Variants in SPPL3 observed in about 807,000 individuals in gnomAD.
The protein encoded by SPPL3 is signal peptide peptidase like 3.
SPPL3 carries 5 observed loss-of-function variants against 42.4 expected under a neutral mutation model. The ratio of observed to expected loss-of-function variants is 0.12; its 90% CI spans 0.06 to 0.25. SPPL3 has a LOEUF of 0.25. SPPL3 is among the 10% of genes least tolerant of loss of function. SPPL3 has a pLI of 1.00. For synonymous variants in SPPL3, 195 were observed against 181.8 expected (o/e 1.07, Z -0.58); for missense variants, 235 against 489.0 (o/e 0.48, Z 4.90).
At chr12:120,893,575 T>C (rs546513766) in intron 1 of SPPL3, among the ~76,000 whole-genome samples, 15 of 152,242 alleles carry the variant, frequency 9.9e-5, no homozygotes, top group South Asian at 6.2e-4. Context: ...CTACCCCTGA[T>C]TGGGCTTCCA....
intron 1 of SPPL3, among the ~76,000 whole-genome samples, chr12:120,900,420 G>C (rs971339617): frequency 5.3e-5 from 8 of 151,664 alleles, no homozygotes; most frequent in African/African-American, 1.9e-4. Flanking sequence ...ACCAGCACCG[G>C]CAACATGGCG....
chr12:120,852,168 A>T (rs1003070348), intron 1 of SPPL3, among the ~76,000 whole-genome samples: 2 of 152,044 alleles, frequency 1.3e-5, no homozygotes, highest in Non-Finnish European at 1.5e-5. Context: ...CTCTGACGAA[A>T]GTGTGCTCTC....
chr12:120,901,089 G>T (rs1873968458), intron 1 of SPPL3, among the ~76,000 whole-genome samples: 1 of 152,054 alleles, frequency 6.6e-6, no homozygotes, highest in South Asian at 2.1e-4. Context: ...TAAAATGATG[G>T]GAGAATTCAT....
At chr12:120,768,693 G>T in intron 7 of SPPL3, 1 of 667,754 alleles carries the variant, frequency 1.5e-6, no homozygotes, top group Non-Finnish European at 2.5e-6. Flanking sequence ...TCCCTGACGG[G>T]GTGGCCCCCA....
In SPPL3 at chr12:120,821,016, A is replaced by AT. The variant is rs1477937616; in HGVS notation, c.24-10131dup. On this transcript the variant is annotated intron_variant, in intron 1 of 10. Transcript: ENST00000353487. The stretch of plus-strand genomic sequence containing the variant: ...AATATACTATATGTTAATATTTTAT[A>AT]TTTTACCAAGACTAATACAATGAAA... Among the ~76,000 whole-genome samples the AT allele has an allele frequency of 3.3e-5, 5 of 152,314 alleles. No individual in the cohort carries two copies. The East Asian group carries it at 5.8e-4, about 18-fold the overall frequency.
At chr12:120,767,700 A>G (rs1005664046) in intron 8 of SPPL3, 107 bp from the exon 9 acceptor site, 18 of 1,075,276 alleles carry the variant, frequency 1.7e-5, no homozygotes, top group Middle Eastern at 2.5e-4. Flanking sequence ...GCTTATCTGC[A>G]TGGCAGATGG....
At chr12:120,804,865 A>C (rs886703414) in intron 2 of SPPL3, among the ~76,000 whole-genome samples, 1 of 152,234 alleles carries the variant, frequency 6.6e-6, no homozygotes, top group African/African-American at 2.4e-5. Flanking sequence ...TCAGCCAATG[A>C]ATGGAAAAAC....
chr12:120,779,555 A>T (rs535930741), intron 6 of SPPL3, among the ~76,000 whole-genome samples: 1 of 152,352 alleles, frequency 6.6e-6, no homozygotes, highest in South Asian at 2.1e-4. Flanking sequence ...TGGAACCACC[A>T]AAAGAAAGGA....
At chr12:120,788,990 T>C (rs1219687914) in intron 3 of SPPL3, among the ~76,000 whole-genome samples, 1 of 152,224 alleles carries the variant, frequency 6.6e-6, no homozygotes, top group Non-Finnish European at 1.5e-5. Flanking sequence ...CATAATCAAG[T>C]ACTGGTCGGC....
In SPPL3 at chr12:120,850,492, T is replaced by TAAAAAAAA. The variant is rs11413210; in HGVS notation, c.24-39614_24-39607dup. Among the ~76,000 whole-genome samples the TAAAAAAAA allele has an allele frequency of 1.7e-4, 20 of 119,406 alleles. 1 individual carries two copies. Among genetic ancestry groups the TAAAAAAAA allele is most frequent in the Non-Finnish European group, 2.3e-4 (13 of 57,722 alleles). The allele number at this position is 119,406 out of a possible 152,430, so 78.3% of individuals were successfully genotyped here. On this transcript the variant is annotated intron_variant, in intron 1 of 10. Coordinates refer to ENST00000353487, the MANE Select transcript of SPPL3 (RefSeq NM_139015.5). ...TGGACAACATAGTGAGACCAGCCTT[T>TAAAAAAAA]AAAAAAAAAAAAAAAAAAAAACAAA...
Position 120,808,314 on chromosome 12 carries a change from C to G in SPPL3, c.101+2495G>C, listed in dbSNP as rs373882826. Among the ~76,000 whole-genome samples, 9 of 152,162 alleles carry G rather than the reference C, an allele frequency of 5.9e-5. No homozygotes were observed. The East Asian group carries it at 1.7e-3, about 29-fold the overall frequency. Reference sequence around the variant, plus strand: ...TGGTCTTGAACTCCTGGGCTCAGGGCATCTGCCTGCTTCAGCCTCCCAAAG... The same window carrying G: ...TGGTCTTGAACTCCTGGGCTCAGGGGATCTGCCTGCTTCAGCCTCCCAAAG... On this transcript the variant is annotated intron_variant, in intron 2 of 10. Transcript: ENST00000353487.
intron 8 of SPPL3, among the ~76,000 whole-genome samples, 154 bp from the exon 9 acceptor site, chr12:120,767,747 A>G: frequency 6.6e-6 from 1 of 152,238 alleles, no homozygotes; most frequent in Non-Finnish European, 1.5e-5. Flanking sequence ...TTAAGAGTGT[A>G]GAGAGAAAAA....
At chr12:120,823,893 C>G (rs541461178) in intron 1 of SPPL3, among the ~76,000 whole-genome samples, 1 of 148,052 alleles carries the variant, frequency 6.8e-6, no homozygotes, top group African/African-American at 2.5e-5. Flanking sequence ...TTTTTTGAGA[C>G]GGAGTCTCAC....
chr12:120,774,518 T>A (rs1233546919), intron 6 of SPPL3, among the ~76,000 whole-genome samples: 3 of 152,166 alleles, frequency 2.0e-5, no homozygotes, highest in African/African-American at 7.2e-5. Flanking sequence ...TGCGTTAAGC[T>A]GAACACCCTC....
At chr12:120,884,808 G>GGGTTTTT (rs35074232) in intron 1 of SPPL3, among the ~76,000 whole-genome samples, 2 of 137,488 alleles carry the variant, frequency 1.5e-5, no homozygotes, top group Non-Finnish European at 3.1e-5. Context: ...TTTTTTTTGG[G>GGGTTTTT]TTTTTTTTTT....
At chr12:120,901,954 C>T in intron 1 of SPPL3, 1 of 985,270 alleles carries the variant, frequency 1.0e-6, no homozygotes, top group Non-Finnish European at 1.2e-6. Flanking sequence ...GGCCTCTGTA[C>T]AGCACAGTAA....
chr12:120,846,337 C>T (rs1284466145), intron 1 of SPPL3, among the ~76,000 whole-genome samples: 1 of 152,170 alleles, frequency 6.6e-6, no homozygotes, highest in Non-Finnish European at 1.5e-5. Context: ...ACAGTAATGA[C>T]ATATTTGTTT....
At chr12:120,817,910 C>A (rs11065277) in intron 1 of SPPL3, among the ~76,000 whole-genome samples, 1 of 152,152 alleles carries the variant, frequency 6.6e-6, no homozygotes, top group Admixed American at 6.5e-5. Context: ...ACAGATTTTA[C>A]TACAGGAGCT....
At chr12:120,820,306 A>ATTTTTTTTTTTTTTTTTTTTTTTTTTT (rs11374486) in intron 1 of SPPL3, among the ~76,000 whole-genome samples, 1 of 100,998 alleles carries the variant, frequency 9.9e-6, no homozygotes, top group Non-Finnish European at 1.9e-5. Context: ...CTTTCTCTAA[A>ATTTTTTTTTTTTTTTTTTTTTTTTTTT]TTTTTTTTTT....
Sources: allele counts gnomAD v4.1 joint callset (sites outside exome capture counted in the v4.1 genomes callset), GRCh38; gene constraint gnomAD v4.1.1; transcripts MANE v1.5; gene names NCBI Gene and HGNC (gene_info 2026-07-23, HGNC 2026-07-21).